Variants in ZNF407 observed in about 807,000 individuals in gnomAD.
The protein encoded by ZNF407 is zinc finger protein 407.
ZNF407 carries 17 observed loss-of-function variants against 131.2 expected under a neutral mutation model. The ratio of observed to expected loss-of-function variants is 0.13; its 90% CI spans 0.09 to 0.19. ZNF407 has a LOEUF of 0.19. Among genes scored for constraint, ZNF407 ranks in the 10% least tolerant of loss-of-function variants. The pLI, the probability that ZNF407 is intolerant of heterozygous loss-of-function variation, is 1.00. For synonymous variants in ZNF407, 1,156 were observed against 1,062.0 expected (o/e 1.09, Z -1.72); for missense variants, 2,681 against 2,830.6 (o/e 0.95, Z 1.20).
At chr18:74,706,095 T>G (rs1336090493) in intron 3 of ZNF407, among the ~76,000 whole-genome samples, 2 of 152,210 alleles carry the variant, frequency 1.3e-5, no homozygotes, top group East Asian at 1.9e-4. Context: ...GGTTAGTCAT[T>G]GTCATGGAAG....
intron 1 of ZNF407, among the ~76,000 whole-genome samples, chr18:74,599,652 C>G (rs774597076): frequency 2.6e-5 from 4 of 152,166 alleles, no homozygotes; most frequent in Non-Finnish European, 5.9e-5. Flanking sequence ...GTCTCAAGGA[C>G]TAGTGGGTAT....
At chr18:74,666,410 TGTG>T (rs1231802076) in intron 3 of ZNF407, among the ~76,000 whole-genome samples, 1 of 152,112 alleles carries the variant, frequency 6.6e-6, no homozygotes, top group African/African-American at 2.4e-5. Flanking sequence ...ACGTGGGACT[TGTG>T]GTGACGAAAG....
chr18:74,994,464 G>C (rs1972756014), intron 8 of ZNF407, among the ~76,000 whole-genome samples: 1 of 152,218 alleles, frequency 6.6e-6, no homozygotes, highest in Non-Finnish European at 1.5e-5. Flanking sequence ...TAACTGGGAA[G>C]AGCCACAGAA....
rs575916452 is a variant in ZNF407, at chr18:74,750,503, G to C, written c.4803-30925G>C. On this transcript the variant is annotated intron_variant, in intron 3 of 8. Coordinates refer to ENST00000299687, the MANE Select transcript of ZNF407 (RefSeq NM_017757.3). ...CTTTTGTGTCCAAATTTATTCAACTGGCATGTTTTCATGATTCATTCATGT... is the reference window on the plus strand; with the variant it reads ...CTTTTGTGTCCAAATTTATTCAACTCGCATGTTTTCATGATTCATTCATGT... 6.6e-5 allele frequency among the ~76,000 whole-genome samples: 10 copies of C among 152,156 alleles called. No individual in the cohort carries two copies. The East Asian group carries it at 1.9e-3, about 29-fold the overall frequency.
chr18:74,694,191 G>T (rs979019228), intron 3 of ZNF407, among the ~76,000 whole-genome samples: 42 of 152,094 alleles, frequency 2.8e-4, no homozygotes, highest in Non-Finnish European at 1.2e-4. Context: ...AGTCACTTGA[G>T]AATTTTCTTG....
chr18:74,984,201 A>G (rs1206939115), intron 8 of ZNF407, among the ~76,000 whole-genome samples: 1 of 152,164 alleles, frequency 6.6e-6, no homozygotes, highest in Non-Finnish European at 1.5e-5. Context: ...CCAGGTCGTT[A>G]GCCACTCCCA....
At chr18:74,663,599 A>C (rs1357353819) in intron 3 of ZNF407, among the ~76,000 whole-genome samples, 2 of 152,178 alleles carry the variant, frequency 1.3e-5, no homozygotes, top group African/African-American at 2.4e-5. Context: ...CAAACTGCGC[A>C]TTTAGGATAA....
At chr18:75,032,625 A>T (rs1460221362) in intron 8 of ZNF407, among the ~76,000 whole-genome samples, 5 of 152,176 alleles carry the variant, frequency 3.3e-5, no homozygotes, top group Non-Finnish European at 1.5e-5. Flanking sequence ...CATTTAGCAT[A>T]CTGGGTGTCC....
chr18:75,026,485 G>A (rs902114753), intron 8 of ZNF407, among the ~76,000 whole-genome samples: 2 of 152,156 alleles, frequency 1.3e-5, no homozygotes, highest in Non-Finnish European at 2.9e-5. Flanking sequence ...AGAAGACATA[G>A]CTGTTAATTG....
chr18:74,984,593 A>T (rs1972631023), intron 8 of ZNF407, among the ~76,000 whole-genome samples: 1 of 152,240 alleles, frequency 6.6e-6, no homozygotes. Context: ...CCTGCTCAAC[A>T]TCCAATAAAT....
At chr18:74,827,005 C>G (rs1019508610) in intron 4 of ZNF407, among the ~76,000 whole-genome samples, 1 of 152,144 alleles carries the variant, frequency 6.6e-6, no homozygotes, top group Non-Finnish European at 1.5e-5. Flanking sequence ...TTCCCCTGTC[C>G]CAGTAATCCC....
intron 8 of ZNF407, among the ~76,000 whole-genome samples, chr18:74,932,263 A>AT (rs199725795): frequency 2.6e-5 from 4 of 152,084 alleles, no homozygotes; most frequent in African/African-American, 4.8e-5. Flanking sequence ...TAGATGTCTC[A>AT]TTTTTTTCAG....
At position 74,924,746 on chromosome 18, in the gene ZNF407, C is replaced by T. The variant is rs144424709; in HGVS notation, c.5428+4054C>T. Among the ~76,000 whole-genome samples the T allele has an allele frequency of 2.1e-3, 325 of 152,196 alleles. 4 individuals are homozygous for T. Among genetic ancestry groups the T allele is most frequent in the African/African-American group, 7.3e-3 (305 of 41,518 alleles). ...GGGGAGTGAAGATCTGGAAGCCAGACGGGGAGGGCTGAGGAGAGGCTGCTC... is the reference window on the plus strand; with the variant it reads ...GGGGAGTGAAGATCTGGAAGCCAGATGGGGAGGGCTGAGGAGAGGCTGCTC... On this transcript the variant is annotated intron_variant, in intron 8 of 8. Coordinates refer to ENST00000299687, the MANE Select transcript of ZNF407 (RefSeq NM_017757.3).
At chr18:74,955,859 G>A (rs1292808227) in intron 8 of ZNF407, among the ~76,000 whole-genome samples, 2 of 152,162 alleles carry the variant, frequency 1.3e-5, no homozygotes, top group East Asian at 1.9e-4. Flanking sequence ...CACGGTGCAC[G>A]TGTTCCTGTC....
At chr18:74,877,123 C>A in intron 4 of ZNF407, 74 bp from the exon 5 acceptor site, 1 of 1,407,310 alleles carries the variant, frequency 7.1e-7, no homozygotes, top group Non-Finnish European at 1.0e-6. Context: ...TCAGGGTTCG[C>A]ACACGCGCTG....
intron 8 of ZNF407, among the ~76,000 whole-genome samples, chr18:75,034,297 T>TG: frequency 1.4e-5 from 2 of 145,330 alleles, no homozygotes; most frequent in Non-Finnish European, 3.0e-5. Context: ...TTCTCTGTGT[T>TG]GGGTTTTTTT....
At chr18:75,029,046 C>T (rs1343599185) in intron 8 of ZNF407, among the ~76,000 whole-genome samples, 1 of 152,168 alleles carries the variant, frequency 6.6e-6, no homozygotes, top group African/African-American at 2.4e-5. Context: ...ATAAAATTAG[C>T]ACAGCTAACA....
intron 8 of ZNF407, among the ~76,000 whole-genome samples, chr18:74,997,038 A>G (rs1972787465): frequency 6.6e-6 from 1 of 152,230 alleles, no homozygotes; most frequent in South Asian, 2.1e-4. Flanking sequence ...TCTGTCATAA[A>G]ATTAAAGAAA....
chr18:75,047,767 ACTCT>A (rs1973452334), intron 8 of ZNF407, among the ~76,000 whole-genome samples: 3 of 152,140 alleles, frequency 2.0e-5, no homozygotes, highest in African/African-American at 7.2e-5. Context: ...GTATAGTGTC[ACTCT>A]CTCTGTTTTG....
Sources: allele counts gnomAD v4.1 joint callset (sites outside exome capture counted in the v4.1 genomes callset), GRCh38; gene constraint gnomAD v4.1.1; transcripts MANE v1.5; gene names NCBI Gene and HGNC (gene_info 2026-07-23, HGNC 2026-07-21).